SDK1: variants seen among roughly 807,000 people sequenced by gnomAD.
SDK1 encodes the protein sidekick cell adhesion molecule 1.
In SDK1, 157 loss-of-function variants were observed where a neutral mutation model predicts 245.5. The ratio of observed to expected loss-of-function variants is 0.64; its 90% CI spans 0.56 to 0.73. SDK1 has a LOEUF of 0.73. SDK1 is among the 30% of genes least tolerant of loss of function. SDK1 has a pLI of 0.00. For synonymous variants in SDK1, 1,647 were observed against 1,278.5 expected, an observed-to-expected ratio of 1.29 and a Z score of -6.15; for missense variants, 3,583 against 3,002.3, an observed-to-expected ratio of 1.19 and a Z score of -4.52.
chr7:3,898,598 T>A (rs1429182712), intron 5 of SDK1, among the ~76,000 whole-genome samples: 1 of 152,200 alleles, frequency 6.6e-6, no homozygotes, highest in Non-Finnish European at 1.5e-5. Context: ...CATCCTGTTG[T>A]CCTTAAGGAA....
intron 1 of SDK1, among the ~76,000 whole-genome samples, chr7:3,525,219 C>T (rs374959778): frequency 3.3e-5 from 5 of 151,666 alleles, no homozygotes; most frequent in Admixed American, 6.6e-5. Flanking sequence ...AACCAATGCC[C>T]GTGGATCCCA....
intron 1 of SDK1, among the ~76,000 whole-genome samples, chr7:3,438,932 A>C (rs1159137965): frequency 6.8e-6 from 1 of 147,396 alleles, no homozygotes; most frequent in Non-Finnish European, 1.5e-5. Context: ...GGCTCACTGC[A>C]ACCTCTGCCT....
intron 44 of SDK1, among the ~76,000 whole-genome samples, chr7:4,246,175 GA>G (rs1786846278): frequency 6.6e-6 from 1 of 152,212 alleles, no homozygotes. Flanking sequence ...CTAAGTCCCA[GA>G]GACTGCAGTG....
intron 1 of SDK1, among the ~76,000 whole-genome samples, chr7:3,565,813 G>A (rs1466503598): frequency 6.6e-6 from 1 of 152,120 alleles, no homozygotes; most frequent in East Asian, 1.9e-4. Context: ...ATAATGACAG[G>A]AAAAAGAAGT....
chr7:3,499,449 C>T (rs891400204), intron 1 of SDK1, among the ~76,000 whole-genome samples: 1 of 152,074 alleles, frequency 6.6e-6, no homozygotes, highest in Non-Finnish European at 1.5e-5. Context: ...AAGTTGAGCT[C>T]CAAACTACCC....
At chr7:3,672,759 T>TATATATA (rs1554307103) in intron 4 of SDK1, among the ~76,000 whole-genome samples, 3 of 50,756 alleles carry the variant, frequency 5.9e-5, no homozygotes, top group Admixed American at 2.6e-4. Flanking sequence ...ATATATAATT[T>TATATATA]TATATATATA....
chr7:3,351,176 T>C (rs1780650220), intron 1 of SDK1, among the ~76,000 whole-genome samples: 3 of 152,204 alleles, frequency 2.0e-5, no homozygotes, highest in East Asian at 3.8e-4. Context: ...GATTGGTTAA[T>C]CTTAAAGGCC....
chr7:3,993,138 G>C (rs1178202240), intron 14 of SDK1, among the ~76,000 whole-genome samples: 1 of 152,174 alleles, frequency 6.6e-6, no homozygotes, highest in Non-Finnish European at 1.5e-5. Context: ...TCACATGAGT[G>C]AGTCGGCATT....
intron 4 of SDK1, among the ~76,000 whole-genome samples, chr7:3,657,110 C>T (rs1179396221): frequency 3.9e-5 from 6 of 152,220 alleles, no homozygotes; most frequent in Non-Finnish European, 8.8e-5. Flanking sequence ...GGAAAGCTGC[C>T]GTCTAGAAGG....
chr7:3,883,712 C>CCCTCCCTG (rs1781263943), intron 5 of SDK1, among the ~76,000 whole-genome samples: 2 of 150,108 alleles, frequency 1.3e-5, no homozygotes, highest in African/African-American at 4.9e-5. Flanking sequence ...CTCCCTCCCT[C>CCCTCCCTG]CCTCCCATTG....
chr7:4,112,127 A>T (rs1783388788), intron 23 of SDK1, among the ~76,000 whole-genome samples: 1 of 152,188 alleles, frequency 6.6e-6, no homozygotes, highest in Non-Finnish European at 1.5e-5. Context: ...GCTTGCTTTT[A>T]TACATTTTAG....
intron 4 of SDK1, among the ~76,000 whole-genome samples, chr7:3,804,270 A>G (rs906554908): frequency 2.0e-5 from 3 of 152,184 alleles, no homozygotes; most frequent in African/African-American, 7.2e-5. Context: ...ATTCAGTTAT[A>G]TGAGGGTTTG....
chr7:4,007,279 A>G (rs1042818583), intron 14 of SDK1, among the ~76,000 whole-genome samples: 5 of 152,150 alleles, frequency 3.3e-5, no homozygotes, highest in African/African-American at 7.2e-5. Context: ...GTTTCACTCT[A>G]AGGTTCAAGA....
intron 2 of SDK1, among the ~76,000 whole-genome samples, chr7:3,627,715 G>A (rs183039674): frequency 9.3e-4 from 142 of 152,278 alleles, no homozygotes; most frequent in African/African-American, 3.3e-3. Context: ...CAACATGACC[G>A]ATTGATGTCC....
intron 7 of SDK1, among the ~76,000 whole-genome samples, chr7:3,956,312 C>A (rs1781254800): frequency 6.6e-6 from 1 of 152,198 alleles, no homozygotes; most frequent in Non-Finnish European, 1.5e-5. Context: ...GGTCCATAGG[C>A]TTGGCATTTC....
intron 4 of SDK1, among the ~76,000 whole-genome samples, chr7:3,777,564 C>T (rs531476888): frequency 4.5e-4 from 69 of 152,290 alleles, no homozygotes; most frequent in African/African-American, 1.6e-3. Flanking sequence ...CTGATGTGCC[C>T]AGCAGCAGGC....
At chr7:3,901,248 A>G (rs1287155337) in intron 5 of SDK1, among the ~76,000 whole-genome samples, 1 of 151,074 alleles carries the variant, frequency 6.6e-6, no homozygotes, top group East Asian at 2.0e-4. Context: ...GTGTGGTGGC[A>G]CGATCTCAGC....
intron 1 of SDK1, among the ~76,000 whole-genome samples, chr7:3,610,283 ATTCTT>A (rs1190886793): frequency 1.3e-5 from 2 of 152,202 alleles, no homozygotes; most frequent in African/African-American, 4.8e-5. Context: ...CATATTTGAG[ATTCTT>A]TTCTTGGACC....
At chr7:4,058,617 TATAAG>T (rs1255967462) in intron 19 of SDK1, among the ~76,000 whole-genome samples, 1 of 152,164 alleles carries the variant, frequency 6.6e-6, no homozygotes, top group Admixed American at 6.6e-5. Flanking sequence ...TCTACTCACT[TATAAG>T]AGAACCCCCA....
Sources: gnomAD v4.1 joint callset for allele counts (sites outside exome capture counted in the v4.1 genomes callset) on GRCh38, gnomAD v4.1.1 for gene constraint, MANE v1.5 for transcripts, NCBI Gene and HGNC (gene_info 2026-07-23, HGNC 2026-07-21) for gene names.